KRT80: variants seen among roughly 807,000 people sequenced by gnomAD.
KRT80 encodes the protein keratin 80, also known as keratin, type II cytoskeletal 80.
A neutral mutation model predicts 51.5 loss-of-function variants in KRT80; 36 were observed. The observed-to-expected ratio is 0.70, with a 90% CI of 0.54 to 0.92. KRT80 has a LOEUF of 0.92. KRT80 is among the 40% of genes least tolerant of loss of function. KRT80 has a pLI of 0.00. For synonymous variants in KRT80, 235 were observed against 248.3 expected (o/e 0.95, Z 0.50); for missense variants, 566 against 591.7 (o/e 0.96, Z 0.45).
chr12:52,171,624 C>A (rs773146305), intron 8 of KRT80, 34 bp downstream of exon 8: 1 of 1,601,294 alleles, frequency 6.2e-7, no homozygotes, highest in Non-Finnish European at 8.5e-7. Flanking sequence ...CTCACCCTCA[C>A]CCCACCATGG....
In KRT80 at chr12:52,171,254, C is replaced by T; in HGVS notation, c.*144G>A. 1 of 852,920 alleles carries T rather than the reference C, an allele frequency of 1.2e-6. No individual in the cohort carries two copies. Among genetic ancestry groups the T allele is most frequent in the Non-Finnish European group, 1.8e-6 (1 of 549,864 alleles). The allele number at this position is 852,920 out of a possible 1,614,324, so 52.8% of individuals were successfully genotyped here. A position where few individuals can be genotyped will look rare whatever the true frequency, so the allele number is the denominator to read the frequency against. ...TCCCACCCTGGCAGCCCACAAAACA[C>T]AGTCAGTTTTGAACCCCTCTCTCAG... On this transcript the variant is annotated 3_prime_UTR_variant, in exon 9 of 9. Transcript: ENST00000394815.
At position 52,173,661 on chromosome 12, in the gene KRT80, G is replaced by A. The variant is rs778525470; in HGVS notation, c.770C>T (p.Ala257Val). The A allele has an allele frequency of 3.1e-6, 5 of 1,613,048 alleles. No homozygotes were observed. Among genetic ancestry groups the A allele is most frequent in the South Asian group, 2.2e-5 (2 of 91,096 alleles). ...GCGAGCCGCGACGGCGTCATACTGG[G>A]CCTTCACCTCCTCCACGATGCCGCT... ...DLSGIVEEVK[A>V]QYDAVAARSL... is the part of the protein sequence containing the mutation. Residue 257 changes from alanine to valine, a missense_variant, in exon 5 of 9, where the codon GCC becomes GTC. Ala to Val is a moderately conservative substitution (Grantham distance 64). Coordinates refer to ENST00000394815, the MANE Select transcript of KRT80 (RefSeq NM_182507.3).
intron 2 of KRT80, among the ~76,000 whole-genome samples, chr12:52,184,655 G>A (rs978625272): frequency 2.6e-5 from 4 of 152,308 alleles, no homozygotes; most frequent in African/African-American, 9.6e-5. Context: ...CTTACTGGAG[G>A]TCACAAAGCT....
At chr12:52,175,154 C>G (rs1169946982) in intron 4 of KRT80, among the ~76,000 whole-genome samples, 1 of 152,226 alleles carries the variant, frequency 6.6e-6, no homozygotes, top group Non-Finnish European at 1.5e-5. Flanking sequence ...AGGATCCAAA[C>G]AAGGCCAGTA....
Position 52,171,351 on chromosome 12 carries a change from C to T in KRT80, c.*47G>A. The stretch of plus-strand genomic sequence containing the variant: ...TGCTTTCTTGAGTCTAGCTTAAGTC[C>T]CTCCTGCTGCAGTGGAGTGCCCTGG... On this transcript the variant is annotated 3_prime_UTR_variant, in exon 9 of 9. Transcript: ENST00000394815. 2.0e-6 allele frequency: 3 copies of T among 1,523,002 alleles called. No individual in the cohort carries two copies. The South Asian group carries it at 3.9e-5, about 20-fold the overall frequency. 94.3% of individuals were successfully genotyped at this position (1,523,002 alleles called of 1,614,324 possible).
rs772901558 is a variant in KRT80, at chr12:52,173,064, A to T, written c.931T>A (p.Ser311Thr). ...DLNVRIQKLR[S>T]QILSVKSHCL... is the part of the protein sequence containing the mutation. Reference sequence around the variant, plus strand: ...TGGCTCTTGACAGAGAGGATCTGGGACCGCAGCTTCTGGATGCGCACATTG... The same window carrying T: ...TGGCTCTTGACAGAGAGGATCTGGGTCCGCAGCTTCTGGATGCGCACATTG... The change falls in exon 6 of 9, where the codon TCC becomes ACC. Residue 311 changes from serine to threonine, a missense_variant. By Grantham distance (58) the Ser-to-Thr change is moderately conservative (BLOSUM62 1). Transcript: ENST00000394815. 2 of 1,612,462 alleles carry T rather than the reference A, an allele frequency of 1.2e-6. No individual in the cohort carries two copies. The highest frequency in any genetic ancestry group is 1.7e-6 in the Non-Finnish European group (2 of 1,178,824).
At chr12:52,179,456 C>T (rs1941286823) in intron 4 of KRT80, among the ~76,000 whole-genome samples, 1 of 152,204 alleles carries the variant, frequency 6.6e-6, no homozygotes, top group East Asian at 1.9e-4. Context: ...CTTCCTGCTG[C>T]TCCCAAGGGT....
rs75791321 is a variant in KRT80, at chr12:52,177,389, A to G, written c.666+3124T>C. Among the ~76,000 whole-genome samples, 895 of 152,240 alleles carry G rather than the reference A, an allele frequency of 5.9e-3. 26 individuals carry two copies. In the East Asian group the frequency reaches 0.089, roughly 15 times the overall value. On this transcript the variant is annotated intron_variant, in intron 4 of 8. Transcript: ENST00000394815. ...TGCCTGGCTGCAGGGGGTTGTCAGC[A>G]GATTCCACAGCTAATTTCCCTGGAG...
intron 4 of KRT80, among the ~76,000 whole-genome samples, chr12:52,177,635 CTGTGTGTGTG>C (rs34730614): frequency 0.034 from 4,982 of 148,186 alleles, 284 homozygotes; most frequent in African/African-American, 0.12. Flanking sequence ...TGTATCTTGG[CTGTGTGTGTG>C]TGTGTGTGTG....
intron 4 of KRT80, among the ~76,000 whole-genome samples, chr12:52,176,219 A>G (rs1407365748): frequency 6.6e-6 from 1 of 152,196 alleles, no homozygotes; most frequent in African/African-American, 2.4e-5. Flanking sequence ...CGGGCTGCAG[A>G]GAGTATGACA....
intron 4 of KRT80, 61 bp from the exon 5 acceptor site, chr12:52,173,825 CCA>C (rs1351725322): frequency 5.2e-6 from 8 of 1,533,422 alleles, no homozygotes; most frequent in Non-Finnish European, 7.1e-6. Flanking sequence ...ACCCTCAGCC[CCA>C]CACAGTCACT....
intron 5 of KRT80, 48 bp from the exon 6 acceptor site, chr12:52,173,211 C>A: frequency 6.6e-7 from 1 of 1,526,030 alleles, no homozygotes; most frequent in Non-Finnish European, 8.8e-7. Context: ...GTGCCGCTCC[C>A]AGCACTTGTT....
At position 52,169,262 on chromosome 12, in the gene KRT80, G is replaced by A. The variant is rs1941045400; in HGVS notation, c.*2136C>T. ...CCATTCATGAAGGATCCTCTCTCAT[G>A]ATCCAAATACTTCCCACCAGGCTCC... On this transcript the variant is annotated 3_prime_UTR_variant, in exon 9 of 9. Transcript: ENST00000394815. The A allele has an allele frequency of 6.6e-6, 1 of 152,180 alleles. No homozygotes were observed. The highest frequency in any genetic ancestry group is 6.6e-5 in the Admixed American group (1 of 15,266). The allele number at this position is 152,180 out of a possible 1,614,324, so 9.4% of individuals were successfully genotyped here.
intron 1 of KRT80, among the ~76,000 whole-genome samples, chr12:52,189,943 A>G (rs118149606): frequency 0.01 from 1,581 of 152,354 alleles, 5 homozygotes; most frequent in Middle Eastern, 0.031. Context: ...AAAACCACCC[A>G]TCTGAGCCAA....
At position 52,191,926 on chromosome 12, in the gene KRT80, G is replaced by A. The variant is rs1396605664; in HGVS notation, c.-24C>T. ...ATGGTGCCCCCGGCCGGAAGCAGGAGGGCCCAGGGGGGTGAGCGAGTGAGC... is the reference window on the plus strand; with the variant it reads ...ATGGTGCCCCCGGCCGGAAGCAGGAAGGCCCAGGGGGGTGAGCGAGTGAGC... On this transcript the variant is annotated 5_prime_UTR_variant, in exon 1 of 9. Transcript: ENST00000394815. 4 of 1,443,250 alleles carry A rather than the reference G, an allele frequency of 2.8e-6. No homozygotes were observed. The highest frequency in any genetic ancestry group is 3.6e-6 in the Non-Finnish European group (4 of 1,098,332). The allele number at this position is 1,443,250 out of a possible 1,614,324, so 89.4% of individuals were successfully genotyped here. A position where few individuals can be genotyped will look rare whatever the true frequency, so the allele number is the denominator to read the frequency against.
rs1411383672 is a variant in KRT80 at position 52,173,764 on chromosome 12, C to T, written c.667G>A (p.Glu223Lys). ...VELMKTIYEQ[E>K]LKDLAAQVKD... ...ACCTGTGCTGCCAGGTCCTTCAGCTCCTGACCGGGCACAGATGTGGGGGCT... is the reference window on the plus strand; with the variant it reads ...ACCTGTGCTGCCAGGTCCTTCAGCTTCTGACCGGGCACAGATGTGGGGGCT... Residue 223 changes from glutamate (E) to lysine (K), a missense_variant and splice_region_variant, in exon 5 of 9, where the codon GAG becomes AAG. Physicochemically the swap from Glu to Lys is moderately conservative, Grantham distance 56. Transcript: ENST00000394815. 1 of 1,609,390 alleles carries T rather than the reference C, an allele frequency of 6.2e-7. No homozygotes were observed. The highest frequency in any genetic ancestry group is 1.7e-5 in the Admixed American group (1 of 59,990).
intron 4 of KRT80, among the ~76,000 whole-genome samples, chr12:52,174,954 A>G (rs1323978480): frequency 6.6e-6 from 1 of 152,196 alleles, no homozygotes; most frequent in Non-Finnish European, 1.5e-5. Flanking sequence ...AGGCGAGTCG[A>G]CTGAGAATTG....
chr12:52,187,770 T>TG (rs906196938), intron 1 of KRT80, among the ~76,000 whole-genome samples: 61 of 152,050 alleles, frequency 4.0e-4, no homozygotes, highest in African/African-American at 1.3e-3. Flanking sequence ...GAGGGAGCGT[T>TG]GGGGGGGCAG....
chr12:52,181,885 C>T (rs1022074902), intron 2 of KRT80, among the ~76,000 whole-genome samples: 5 of 152,206 alleles, frequency 3.3e-5, no homozygotes, highest in African/African-American at 1.2e-4. Flanking sequence ...TGTTTTTTTC[C>T]CTCCTATTCG....
Sources: gnomAD v4.1 joint callset for allele counts (sites outside exome capture counted in the v4.1 genomes callset) on GRCh38, gnomAD v4.1.1 for gene constraint, MANE v1.5 for transcripts, NCBI Gene and HGNC (gene_info 2026-07-23, HGNC 2026-07-21) for gene names.